The following GCH1 variants were observed in gnomAD, a reference collection of about 807,000 sequenced individuals.
GCH1 encodes the protein GTP cyclohydrolase 1.
GCH1 carries 5 observed loss-of-function variants against 25.9 expected under a neutral mutation model. The observed-to-expected ratio is 0.19, with a 90% CI of 0.10 to 0.41. GCH1 has a LOEUF of 0.41. Among genes scored for constraint, GCH1 ranks in the 10% least tolerant of loss-of-function variants. The probability of loss-of-function intolerance (pLI) is 1.00; values close to 1 mark genes in which losing one functional copy is unlikely to be tolerated. For missense variants in GCH1, 261 were observed against 336.5 expected (o/e 0.78, Z 1.75); for synonymous variants, 159 against 129.6 (o/e 1.23, Z -1.54).
At chr14:54,879,360 G>A (rs188253312) in intron 1 of GCH1, among the ~76,000 whole-genome samples, 64 of 143,838 alleles carry the variant, frequency 4.4e-4, no homozygotes, top group Non-Finnish European at 4.8e-4. Context: ...GGCGAAGGTT[G>A]CAGTGACTTC....
In GCH1 at chr14:54,902,422, G is replaced by A; in HGVS notation, c.242C>T (p.Ser81Leu). The A allele has an allele frequency of 6.2e-7, 1 of 1,613,034 alleles. No individual in the cohort carries two copies. Among genetic ancestry groups the A allele is most frequent in the Non-Finnish European group, 8.5e-7 (1 of 1,179,802 alleles). Residue 81 changes from serine (S) to leucine (L), a missense_variant, in exon 1 of 6, where the codon TCG (serine) becomes TTG (leucine). By Grantham distance (145) the Ser-to-Leu change is moderately radical. Coordinates refer to ENST00000491895, the MANE Select transcript of GCH1 (RefSeq NM_000161.3). ...LAAAYSSILS[S>L]LGENPQRQGL... ...TTGCCGCTGGGGGTTCTCGCCCAGC[G>A]AGCTCAGGATGGACGAGTAGGCGGC...
intron 1 of GCH1, among the ~76,000 whole-genome samples, chr14:54,877,257 G>A (rs1421772430): frequency 6.6e-6 from 1 of 152,198 alleles, no homozygotes; most frequent in Non-Finnish European, 1.5e-5. Flanking sequence ...GGGATTTATG[G>A]CATTCTGTTT....
intron 1 of GCH1, among the ~76,000 whole-genome samples, chr14:54,871,676 T>C (rs1289994897): frequency 1.3e-5 from 2 of 151,206 alleles, no homozygotes; most frequent in East Asian, 1.9e-4. Flanking sequence ...CTGAAAACCA[T>C]GGCACGAGAA....
chr14:54,860,240 A>G (rs1272270485), intron 2 of GCH1, among the ~76,000 whole-genome samples: 1 of 151,342 alleles, frequency 6.6e-6, no homozygotes, highest in Non-Finnish European at 1.5e-5. Flanking sequence ...TGGCCCTGAC[A>G]CTTACCTGTG....
chr14:54,844,969 T>G (rs1296830468), intron 5 of GCH1, among the ~76,000 whole-genome samples: 4 of 152,056 alleles, frequency 2.6e-5, no homozygotes, highest in Non-Finnish European at 5.9e-5. Context: ...GTCAGGAGTT[T>G]GAGATCCCCA....
At chr14:54,892,778 A>G (rs1381463083) in intron 1 of GCH1, among the ~76,000 whole-genome samples, 1 of 152,132 alleles carries the variant, frequency 6.6e-6, no homozygotes, top group East Asian at 1.9e-4. Flanking sequence ...GACATGAAGG[A>G]CAAACATTGT....
intron 4 of GCH1, among the ~76,000 whole-genome samples, chr14:54,846,852 G>T (rs919623286): frequency 4.6e-5 from 7 of 152,126 alleles, no homozygotes; most frequent in African/African-American, 1.7e-4. Context: ...CCTGAGGTCG[G>T]AAGTTCGAGA....
intron 2 of GCH1, among the ~76,000 whole-genome samples, chr14:54,860,665 T>C (rs745497375): frequency 6.6e-6 from 1 of 151,714 alleles, no homozygotes; most frequent in Non-Finnish European, 1.5e-5. Context: ...CTTAGCCTCC[T>C]GAGTAGCCGG....
At chr14:54,862,027 T>A (rs572439539) in intron 2 of GCH1, among the ~76,000 whole-genome samples, 1 of 152,132 alleles carries the variant, frequency 6.6e-6, no homozygotes, top group Admixed American at 6.5e-5. Flanking sequence ...TTCTGATTGC[T>A]TTCTCTTCTT....
At chr14:54,885,908 C>CA in intron 1 of GCH1, 1 of 190,728 alleles carries the variant, frequency 5.2e-6, no homozygotes, top group Admixed American at 5.7e-5. Context: ...ACAACAACAA[C>CA]AACAAAAAAA....
intron 4 of GCH1, among the ~76,000 whole-genome samples, chr14:54,846,417 C>A (rs1272946716): frequency 2.0e-5 from 3 of 152,098 alleles, no homozygotes; most frequent in Admixed American, 2.0e-4. Context: ...GTATAGGTTA[C>A]GCCAAGCCAT....
At chr14:54,887,417 AAAAC>A (rs1401691160) in intron 1 of GCH1, among the ~76,000 whole-genome samples, 1 of 143,958 alleles carries the variant, frequency 6.9e-6, no homozygotes, top group Non-Finnish European at 1.5e-5. Context: ...AAGTTAAATG[AAAAC>A]AAACAAACAA....
intron 1 of GCH1, chr14:54,884,917 C>A (rs539122702): frequency 1.5e-3 from 236 of 159,732 alleles, no homozygotes; most frequent in Non-Finnish European, 2.4e-3. Flanking sequence ...CAACACACTG[C>A]TCAATGAGAC....
In GCH1 at chr14:54,842,810, A is replaced by T; in HGVS notation, c.*1207T>A. 2.4e-6 allele frequency: 1 copy of T among 408,462 alleles called. No individual in the cohort carries two copies. The highest frequency in any genetic ancestry group is 4.3e-6 in the Non-Finnish European group (1 of 230,228). The allele number at this position is 408,462 out of a possible 1,614,324, so 25.3% of individuals were successfully genotyped here. A position where few individuals can be genotyped will look rare whatever the true frequency, so the allele number is the denominator to read the frequency against. On this transcript the variant is annotated 3_prime_UTR_variant, in exon 6 of 6. Transcript: ENST00000491895. Reference sequence around the variant, plus strand: ...ACGCTGCCCCAATGGAGGAAATTTTAAGATAATCATTAATAAGGCAACAGC... The same window carrying T: ...ACGCTGCCCCAATGGAGGAAATTTTTAGATAATCATTAATAAGGCAACAGC...
intron 1 of GCH1, among the ~76,000 whole-genome samples, chr14:54,887,989 A>C (rs2040375286): frequency 1.3e-5 from 2 of 152,352 alleles, no homozygotes; most frequent in South Asian, 4.1e-4. Flanking sequence ...TTAATAAACT[A>C]AAACTTCAAG....
chr14:54,880,692 C>CATAT (rs1555361306), intron 1 of GCH1, among the ~76,000 whole-genome samples: 1 of 1,060 alleles, frequency 9.4e-4, no homozygotes. Context: ...TATATATACT[C>CATAT]ATATATATAT....
rs182465805 is a variant in GCH1, at chr14:54,874,119, G to A, written c.344-8683C>T. 4.6e-5 allele frequency among the ~76,000 whole-genome samples: 7 copies of A among 152,296 alleles called. No individual in the cohort carries two copies. In the East Asian group the frequency reaches 1.3e-3, roughly 29 times the overall value. ...AAAAAATGCTGGCTAACCGAATCCAGCAGCACATCAAAAAGCTTGTCCACC... is the reference window on the plus strand; with the variant it reads ...AAAAAATGCTGGCTAACCGAATCCAACAGCACATCAAAAAGCTTGTCCACC... On this transcript the variant is annotated intron_variant, in intron 1 of 5. Coordinates refer to ENST00000491895, the MANE Select transcript of GCH1 (RefSeq NM_000161.3).
rs980800340 is a variant in GCH1 at position 54,845,629 on chromosome 14, T to C, written c.626+139A>G. 1.9e-5 allele frequency: 14 copies of C among 722,848 alleles called. No individual in the cohort carries two copies. The African/African-American group carries it at 2.2e-4, about 12-fold the overall frequency. The allele number at this position is 722,848 out of a possible 1,614,324, so 44.8% of individuals were successfully genotyped here. On this transcript the variant is annotated intron_variant, in intron 5 of 5. Transcript: ENST00000491895. The stretch of plus-strand genomic sequence containing the variant: ...GTAAATGAAAGTGGTAAAAGAGCTT[T>C]AGGCTCAGGGATGGAAATCTACAGT...
chr14:54,868,511 C>T (rs2040020321), intron 1 of GCH1, among the ~76,000 whole-genome samples: 1 of 151,986 alleles, frequency 6.6e-6, no homozygotes, highest in Non-Finnish European at 1.5e-5. Flanking sequence ...TTGTAGGAGA[C>T]TAGAGAAATG....
Sources: allele counts gnomAD v4.1 joint callset (sites outside exome capture counted in the v4.1 genomes callset), GRCh38; gene constraint gnomAD v4.1.1; transcripts MANE v1.5; gene names NCBI Gene and HGNC (gene_info 2026-07-23, HGNC 2026-07-21).